BANF2: variants seen among roughly 807,000 people sequenced by gnomAD.
The protein encoded by BANF2 is barrier-to-autointegration factor-like protein.
In BANF2, 4 loss-of-function variants were observed where a neutral mutation model predicts 8.0. The ratio of observed to expected loss-of-function variants is 0.50; its 90% CI spans 0.25 to 1.14. The LOEUF (loss-of-function observed/expected upper bound fraction) is 1.14, where lower values mean the gene tolerates loss of function less well. Among genes scored for constraint, BANF2 ranks in the 50% most tolerant of loss-of-function variants. The pLI, the probability that BANF2 is intolerant of heterozygous loss-of-function variation, is 0.16. For missense variants in BANF2, 96 were observed against 107.5 expected (o/e 0.89, Z 0.47); for synonymous variants, 50 against 40.6 (o/e 1.23, Z -0.88).
chr20:17,705,806 T>G (rs960808657), intron 1 of BANF2, among the ~76,000 whole-genome samples: 5 of 152,266 alleles, frequency 3.3e-5, no homozygotes, highest in Non-Finnish European at 7.3e-5. Context: ...TGAGGCATAC[T>G]TCATGCTGTG....
chr20:17,694,542 T>A (rs917570626), intron 1 of BANF2, among the ~76,000 whole-genome samples: 2 of 150,450 alleles, frequency 1.3e-5, no homozygotes, highest in Non-Finnish European at 3.0e-5. Flanking sequence ...TGTGAAACAT[T>A]GCATCTAACA....
chr20:17,734,014 G>C (rs2037940038), intron 3 of BANF2, among the ~76,000 whole-genome samples: 1 of 152,194 alleles, frequency 6.6e-6, no homozygotes, highest in South Asian at 2.1e-4. Flanking sequence ...CCAGGCTGGA[G>C]AGCCCCCAAA....
intron 1 of BANF2, among the ~76,000 whole-genome samples, chr20:17,711,401 G>A (rs1347140670): frequency 6.6e-6 from 1 of 152,242 alleles, no homozygotes; most frequent in Non-Finnish European, 1.5e-5. Context: ...TTTATTCTTA[G>A]ACACCTCCAC....
chr20:17,731,759 G>GGAAAA (rs1491151542), intron 3 of BANF2, among the ~76,000 whole-genome samples: 35 of 95,036 alleles, frequency 3.7e-4, no homozygotes, highest in African/African-American at 1.2e-3. Context: ...CGTCTCTTAG[G>GGAAAA]AAAAAAAAAA....
intron 1 of BANF2, among the ~76,000 whole-genome samples, chr20:17,706,166 T>C (rs1178298189): frequency 2.0e-5 from 3 of 152,164 alleles, no homozygotes; most frequent in Non-Finnish European, 4.4e-5. Context: ...ACACCAAGTG[T>C]GCCAGGCTGA....
upstream of BANF2, among the ~76,000 whole-genome samples, chr20:17,695,051 C>T (rs1282860470): frequency 6.6e-6 from 1 of 152,138 alleles, no homozygotes; most frequent in Non-Finnish European, 1.5e-5. Context: ...GGGACAGGGA[C>T]TTTGACCAAG....
chr20:17,706,533 C>G (rs1450920077), intron 1 of BANF2, among the ~76,000 whole-genome samples: 1 of 152,206 alleles, frequency 6.6e-6, no homozygotes, highest in South Asian at 2.1e-4. Flanking sequence ...AAATGGGGCT[C>G]AGATATGTTC....
intron 1 of BANF2, among the ~76,000 whole-genome samples, chr20:17,708,057 A>G (rs1158302057): frequency 6.6e-6 from 1 of 151,240 alleles, no homozygotes; most frequent in African/African-American, 2.4e-5. Flanking sequence ...AAAAAAAAAA[A>G]AAAAAAAAAA....
At chr20:17,722,376 T>C (rs1242378542) in intron 1 of BANF2, among the ~76,000 whole-genome samples, 3 of 152,232 alleles carry the variant, frequency 2.0e-5, no homozygotes, top group East Asian at 3.8e-4. Flanking sequence ...CCAGCATGGA[T>C]AGTGAATGGA....
intron 1 of BANF2, among the ~76,000 whole-genome samples, chr20:17,708,848 C>A (rs1367691490): frequency 1.3e-5 from 2 of 152,156 alleles, no homozygotes; most frequent in African/African-American, 2.4e-5. Flanking sequence ...CCTTCCCAGG[C>A]CCAGAAACAG....
intron 3 of BANF2, among the ~76,000 whole-genome samples, chr20:17,728,237 C>T (rs560042495): frequency 1.5e-3 from 232 of 152,302 alleles, no homozygotes; most frequent in African/African-American, 5.5e-3. Flanking sequence ...TTGCTTGTGA[C>T]GGCGTTCCTG....
upstream of BANF2, among the ~76,000 whole-genome samples, chr20:17,697,476 G>A (rs994792171): frequency 1.3e-5 from 2 of 152,156 alleles, no homozygotes; most frequent in Non-Finnish European, 2.9e-5. Context: ...GACACTCACC[G>A]GTTCCCAGAC....
intron 1 of BANF2, among the ~76,000 whole-genome samples, chr20:17,718,807 C>T: frequency 6.6e-6 from 1 of 152,200 alleles, no homozygotes; most frequent in East Asian, 1.9e-4. Flanking sequence ...AGTTGACGCT[C>T]TAAGCATCTA....
rs2037784839 is a variant in BANF2 at position 17,725,041 on chromosome 20, C to T, written c.16C>T (p.Pro6Ser). 1 of 1,607,624 alleles carries T rather than the reference C, an allele frequency of 6.2e-7. No individual in the cohort carries two copies. The highest frequency in any genetic ancestry group is 8.5e-7 in the Non-Finnish European group (1 of 1,174,268). MDNMSPRLRAFLSEPI... is the reference protein window; with the variant it reads MDNMSSRLRAFLSEPI... ...GTCGCAGGAGATGGACAACATGTCT[C>T]CCAGGCTGAGAGCCTTCCTCTCCGA... The change falls in exon 3 of 4, where the codon CCC becomes TCC. Residue 6 changes from proline to serine, a missense_variant. Pro to Ser is a moderately conservative substitution (Grantham distance 74). Transcript: ENST00000246090.
chr20:17,733,256 A>C (rs4813281), intron 3 of BANF2, among the ~76,000 whole-genome samples: 152,289 of 152,292 alleles, frequency 1, 76,143 homozygotes, highest in Middle Eastern at 1. Flanking sequence ...ACAGTTGGGA[A>C]GTGCAGGAAT....
chr20:17,730,422 C>T (rs753106089), intron 3 of BANF2, among the ~76,000 whole-genome samples: 4 of 152,102 alleles, frequency 2.6e-5, no homozygotes, highest in Admixed American at 6.5e-5. Flanking sequence ...ACCTCCTTAC[C>T]GGCGAGGCTC....
At chr20:17,720,930 T>A (rs1443017088) in intron 1 of BANF2, among the ~76,000 whole-genome samples, 1 of 152,184 alleles carries the variant, frequency 6.6e-6, no homozygotes, top group Non-Finnish European at 1.5e-5. Context: ...ACACATGCAG[T>A]ATCTGAGGCC....
upstream of BANF2, among the ~76,000 whole-genome samples, chr20:17,698,133 G>T (rs547431890): frequency 2.0e-5 from 3 of 151,972 alleles, no homozygotes; most frequent in Admixed American, 6.6e-5. Context: ...GCTTGAACCC[G>T]GGAGGCGGAG....
intron 1 of BANF2, among the ~76,000 whole-genome samples, chr20:17,708,252 A>C (rs947754366): frequency 6.6e-6 from 1 of 151,982 alleles, no homozygotes; most frequent in Non-Finnish European, 1.5e-5. Flanking sequence ...ACAGAAAAAA[A>C]CCTGAGATCC....
Sources: allele counts gnomAD v4.1 joint callset (sites outside exome capture counted in the v4.1 genomes callset), GRCh38; gene constraint gnomAD v4.1.1; transcripts MANE v1.5; gene names NCBI Gene and HGNC (gene_info 2026-07-23, HGNC 2026-07-21).